The following SYT1 variants were observed in gnomAD, a reference collection of about 807,000 sequenced individuals.
SYT1 encodes the protein synaptotagmin 1.
In SYT1, 8 loss-of-function variants were observed where a neutral mutation model predicts 44.8. The ratio of observed to expected loss-of-function variants is 0.18; its 90% confidence interval spans 0.10 to 0.32. The LOEUF (loss-of-function observed/expected upper bound fraction) is 0.32, where lower values mean the gene tolerates loss of function less well. SYT1 is among the 10% of genes least tolerant of loss of function. The pLI, the probability that SYT1 is intolerant of heterozygous loss-of-function variation, is 1.00. For missense variants in SYT1, 286 were observed against 509.3 expected (o/e 0.56, Z 4.22); for synonymous variants, 154 against 188.8 (o/e 0.82, Z 1.51).
rs74107389 is a variant in SYT1, at chr12:79,250,120, T to C, written c.166+32435T>C. Among the ~76,000 whole-genome samples the C allele has an allele frequency of 4.0e-3, 603 of 152,302 alleles. 8 individuals are homozygous for C. Among genetic ancestry groups the C allele is most frequent in the African/African-American group, 0.014 (586 of 41,556 alleles). Reference sequence around the variant, plus strand: ...ATTAACTTACCCAAAGTTTTACCAATAATATGTATCTAGGAAGATACAAAA... The same window carrying C: ...ATTAACTTACCCAAAGTTTTACCAACAATATGTATCTAGGAAGATACAAAA... On this transcript the variant is annotated intron_variant, in intron 4 of 10. Transcript: ENST00000261205.
intron 9 of SYT1, among the ~76,000 whole-genome samples, chr12:79,397,890 AATTCC>A (rs1350356106): frequency 3.3e-5 from 5 of 152,146 alleles, no homozygotes; most frequent in Non-Finnish European, 5.9e-5. Flanking sequence ...ATCCACTGTA[AATTCC>A]ATATCACTAT....
At chr12:79,387,219 A>C (rs1346879612) in intron 9 of SYT1, among the ~76,000 whole-genome samples, 1 of 152,208 alleles carries the variant, frequency 6.6e-6, no homozygotes, top group African/African-American at 2.4e-5. Flanking sequence ...TAAAGGGAAT[A>C]TTTTTGCACA....
At chr12:79,158,519 T>C (rs568136554) in intron 3 of SYT1, among the ~76,000 whole-genome samples, 13 of 152,232 alleles carry the variant, frequency 8.5e-5, no homozygotes, top group Non-Finnish European at 1.6e-4. Flanking sequence ...CCATGGCCTG[T>C]AGTTTGGGGA....
intron 9 of SYT1, among the ~76,000 whole-genome samples, chr12:79,425,815 C>A (rs563940641): frequency 6.6e-6 from 1 of 152,076 alleles, no homozygotes; most frequent in African/African-American, 2.4e-5. Flanking sequence ...TGTATAGGAA[C>A]GGTTTTACCT....
At chr12:79,336,968 C>A (rs1455264553) in intron 8 of SYT1, among the ~76,000 whole-genome samples, 7 of 151,954 alleles carry the variant, frequency 4.6e-5, no homozygotes, top group Non-Finnish European at 8.8e-5. Context: ...AGCCACTGTG[C>A]CCAGCCCCTA....
At chr12:79,331,950 G>T (rs1189955617) in intron 8 of SYT1, among the ~76,000 whole-genome samples, 3 of 152,108 alleles carry the variant, frequency 2.0e-5, no homozygotes, top group Non-Finnish European at 4.4e-5. Flanking sequence ...ATCAAAATGT[G>T]ATGCTCAAAA....
intron 1 of SYT1, among the ~76,000 whole-genome samples, chr12:78,926,995 T>G (rs1047852306): frequency 6.6e-6 from 1 of 152,118 alleles, no homozygotes; most frequent in Non-Finnish European, 1.5e-5. Context: ...ATATCCAGTT[T>G]TACCCAGAAT....
intron 1 of SYT1, among the ~76,000 whole-genome samples, chr12:78,964,416 T>A (rs1210152352): frequency 6.6e-6 from 1 of 152,156 alleles, no homozygotes; most frequent in Non-Finnish European, 1.5e-5. Flanking sequence ...TGTGCTACTA[T>A]TTTCTTTTAA....
At chr12:79,363,345 A>G (rs914129892) in intron 9 of SYT1, among the ~76,000 whole-genome samples, 3 of 152,094 alleles carry the variant, frequency 2.0e-5, no homozygotes, top group Non-Finnish European at 2.9e-5. Context: ...TAAAGCCTAT[A>G]ATAGGTGACA....
intron 1 of SYT1, among the ~76,000 whole-genome samples, chr12:78,961,580 G>A (rs2137341417): frequency 6.6e-6 from 1 of 152,068 alleles, no homozygotes; most frequent in Admixed American, 6.6e-5. Flanking sequence ...GTCTCCTATA[G>A]TAGGTTGATA....
intron 2 of SYT1, among the ~76,000 whole-genome samples, chr12:79,019,953 G>A (rs906702374): frequency 6.6e-6 from 1 of 151,840 alleles, no homozygotes; most frequent in African/African-American, 2.4e-5. Context: ...CTTATCCAAA[G>A]AGCTAATGTA....
intron 3 of SYT1, among the ~76,000 whole-genome samples, chr12:79,204,367 G>A (rs569203074): frequency 6.6e-6 from 1 of 152,312 alleles, no homozygotes; most frequent in Non-Finnish European, 1.5e-5. Flanking sequence ...AACAATGACT[G>A]TTTGAACACA....
chr12:79,120,037 C>T (rs1310147011), intron 3 of SYT1, among the ~76,000 whole-genome samples: 3 of 152,076 alleles, frequency 2.0e-5, no homozygotes, highest in East Asian at 1.9e-4. Context: ...CATTTGCATG[C>T]GAAGGCCTCC....
intron 1 of SYT1, among the ~76,000 whole-genome samples, chr12:78,898,008 A>G (rs1875457184): frequency 6.6e-6 from 1 of 152,046 alleles, no homozygotes; most frequent in Admixed American, 6.6e-5. Flanking sequence ...AACCTCACTA[A>G]CCAAAACTCC....
chr12:79,055,649 A>G (rs1417607236), intron 3 of SYT1, among the ~76,000 whole-genome samples: 1 of 151,986 alleles, frequency 6.6e-6, no homozygotes, highest in Admixed American at 6.6e-5. Flanking sequence ...AGCTGCCTCA[A>G]TGTCCTCTTC....
intron 1 of SYT1, among the ~76,000 whole-genome samples, chr12:78,945,260 AC>A (rs1175284386): frequency 9.9e-5 from 15 of 152,052 alleles, no homozygotes; most frequent in African/African-American, 3.4e-4. Flanking sequence ...ATGCACCTTA[AC>A]TTGATTTTTT....
Position 78,931,227 on chromosome 12 carries a change from GAAAGAAA to G in SYT1, c.-216-46571_-216-46565del, listed in dbSNP as rs1348444012. ...AGAAAGAAAGAAAGAAAGAAAGAAAGAAAGAAAGAAAGAAGGAAGGAAGGAAGGAAGG... is the reference window on the plus strand; with the variant it reads ...AGAAAGAAAGAAAGAAAGAAAGAAAGGAAAGAAGGAAGGAAGGAAGGAAGG... On this transcript the variant is annotated intron_variant, in intron 1 of 10. Transcript: ENST00000261205. 2.6e-3 allele frequency among the ~76,000 whole-genome samples: 161 copies of G among 62,998 alleles called. 7 individuals carry two copies. The highest frequency in any genetic ancestry group is 9.3e-3 in the African/African-American group (108 of 11,560). The allele number at this position is 62,998 out of a possible 152,430, so 41.3% of individuals were successfully genotyped here. A position where few individuals can be genotyped will look rare whatever the true frequency, so the allele number is the denominator to read the frequency against.
At chr12:79,329,356 A>G (rs796721102) in intron 8 of SYT1, among the ~76,000 whole-genome samples, 5 of 152,310 alleles carry the variant, frequency 3.3e-5, no homozygotes, top group African/African-American at 1.2e-4. Context: ...CTATATGAAC[A>G]CTTACATGAC....
intron 3 of SYT1, among the ~76,000 whole-genome samples, chr12:79,207,766 G>C (rs1454328426): frequency 1.3e-5 from 2 of 152,140 alleles, no homozygotes; most frequent in African/African-American, 4.8e-5. Context: ...TGGGAAAATA[G>C]CTAAATTCTT....
Sources: gnomAD v4.1 joint callset for allele counts (sites outside exome capture counted in the v4.1 genomes callset) on GRCh38, gnomAD v4.1.1 for gene constraint, MANE v1.5 for transcripts, NCBI Gene and HGNC (gene_info 2026-07-23, HGNC 2026-07-21) for gene names.